The following ELAPOR2 variants were observed in gnomAD, a reference collection of about 807,000 sequenced individuals.
ELAPOR2 encodes the protein endosome-lysosome associated apoptosis and autophagy regulator family member 2.
A neutral mutation model predicts 120.7 loss-of-function variants in ELAPOR2; 89 were observed. That is an observed-to-expected ratio of 0.74 (90% CI 0.62 to 0.88). The LOEUF is 0.88. Among genes scored for constraint, ELAPOR2 ranks in the 40% least tolerant of loss-of-function variants. The pLI, the probability that ELAPOR2 is intolerant of heterozygous loss-of-function variation, is 0.00. For missense variants in ELAPOR2, 1,134 were observed against 1,251.6 expected (o/e 0.91, Z 1.42); for synonymous variants, 444 against 444.9 (o/e 1.00, Z 0.03).
chr7:86,912,208 T>C lies in ELAPOR2; in HGVS notation c.2033A>G (p.His678Arg), dbSNP rs1228579173. The stretch of plus-strand genomic sequence containing the variant: ...GTGCAAACTCTGATTTTCTTTTTCA[T>C]GGTAGAAAAAGCAGTCACTATAGCA... ...SVCYSDCFFY[H>R]EKENQSLHYD... The change falls in exon 15 of 22, where the codon CAT becomes CGT. Residue 678 changes from histidine to arginine, a missense_variant. His to Arg is a conservative substitution (Grantham distance 29). This residue lies in a region of ELAPOR2 where 831 missense variants were observed against 867.6 expected (regional missense o/e 0.96). Coordinates refer to ENST00000450689, the MANE Select transcript of ELAPOR2 (RefSeq NM_001142749.3). 11 of 1,607,516 alleles carry C rather than the reference T, an allele frequency of 6.8e-6. No homozygotes were observed. The highest frequency in any genetic ancestry group is 8.5e-6 in the Non-Finnish European group (10 of 1,174,708).
chr7:86,954,477 C>T (rs1791391705), intron 2 of ELAPOR2, among the ~76,000 whole-genome samples: 1 of 151,918 alleles, frequency 6.6e-6, no homozygotes, highest in Non-Finnish European at 1.5e-5. Context: ...GTTTTTATTA[C>T]TAAAATATGT....
chr7:87,044,673 T>A (rs1794891013), intron 1 of ELAPOR2, among the ~76,000 whole-genome samples: 1 of 151,916 alleles, frequency 6.6e-6, no homozygotes, highest in African/African-American at 2.4e-5. Context: ...AACCTAGGCA[T>A]TACCATTCAG....
intron 1 of ELAPOR2, among the ~76,000 whole-genome samples, chr7:87,024,011 A>C (rs920281211): frequency 2.0e-5 from 3 of 152,182 alleles, no homozygotes; most frequent in Non-Finnish European, 4.4e-5. Flanking sequence ...TCATCCGCAA[A>C]CAGGGACAAT....
At chr7:86,935,858 A>C (rs549028616) in intron 8 of ELAPOR2, among the ~76,000 whole-genome samples, 39 of 152,178 alleles carry the variant, frequency 2.6e-4, no homozygotes, top group African/African-American at 9.4e-4. Context: ...GTTTATAAGA[A>C]TCTCTTAATT....
rs540539758 is a variant in ELAPOR2, at chr7:86,912,867, C to T, written c.1995+74G>A. On this transcript the variant is annotated intron_variant, in intron 14 of 21. Coordinates refer to ENST00000450689, the MANE Select transcript of ELAPOR2 (RefSeq NM_001142749.3). The stretch of plus-strand genomic sequence containing the variant: ...AGCAACCTCATAGCTCCCAGAGAAA[C>T]ATTAAGGAGAACGCTTGAATTTCTC... The T allele has an allele frequency of 4.6e-6, 7 of 1,520,078 alleles. No individual in the cohort carries two copies. The African/African-American group carries it at 9.6e-5, about 21-fold the overall frequency. The allele number at this position is 1,520,078 out of a possible 1,614,324, so 94.2% of individuals were successfully genotyped here.
chr7:87,023,136 G>C (rs1794118907), intron 1 of ELAPOR2, among the ~76,000 whole-genome samples: 1 of 152,130 alleles, frequency 6.6e-6, no homozygotes, highest in East Asian at 1.9e-4. Context: ...TGAAGTCCTT[G>C]CCCATGCCTA....
rs1235489453 is a variant in ELAPOR2, at chr7:86,891,879, T to G, written c.2875A>C (p.Lys959Gln). ...FWKKNQKLEY[K>Q]YSKLVMTTNS... ...GTCGTCATTACTAACTTGGAATATTTGTATTCCAGTCTAAATAGTGATAAA... is the reference window on the plus strand; with the variant it reads ...GTCGTCATTACTAACTTGGAATATTGGTATTCCAGTCTAAATAGTGATAAA... The change falls in exon 21 of 22, where the codon AAA becomes CAA. Residue 959 changes from lysine (K) to glutamine (Q), a missense_variant. Physicochemically the swap from Lys to Gln is moderately conservative, Grantham distance 53. Around this residue, in one of 3 missense-constraint regions of ELAPOR2, gnomAD observed 831 missense variants for 867.6 expected, o/e 0.96. Transcript: ENST00000450689. 8 of 1,592,588 alleles carry G rather than the reference T, an allele frequency of 5.0e-6. No individual in the cohort carries two copies. In the East Asian group the frequency reaches 9.0e-5, roughly 18 times the overall value.
chr7:87,055,468 T>A (rs983140704), intron 1 of ELAPOR2, among the ~76,000 whole-genome samples: 101 of 152,308 alleles, frequency 6.6e-4, no homozygotes, highest in African/African-American at 2.4e-3. Context: ...CTCATTAAGC[T>A]TCTCATTGCA....
At chr7:86,927,142 G>T (rs9640574) in intron 8 of ELAPOR2, among the ~76,000 whole-genome samples, 1 of 151,522 alleles carries the variant, frequency 6.6e-6, no homozygotes, top group Non-Finnish European at 1.5e-5. Context: ...GCCTTCCCTC[G>T]TACACAGCAT....
chr7:86,940,680 G>A (rs188673315), intron 5 of ELAPOR2, among the ~76,000 whole-genome samples: 6 of 152,054 alleles, frequency 3.9e-5, no homozygotes, highest in Admixed American at 3.9e-4. Context: ...GGAATATTTT[G>A]CTAATTATAA....
chr7:86,908,440 C>A lies in ELAPOR2; in HGVS notation c.2456+7G>T. ...ATATAGTCAAGGGAAACAGCATCTT[C>A]ACTTACTTATAAAAGAAATGCACAT... is the stretch of plus-strand genomic sequence containing the variant. On this transcript the variant is annotated splice_region_variant and intron_variant, in intron 17 of 21. Coordinates refer to ENST00000450689, the MANE Select transcript of ELAPOR2 (RefSeq NM_001142749.3). The A allele has an allele frequency of 6.8e-7, 1 of 1,475,822 alleles. No homozygotes were observed. Among genetic ancestry groups the A allele is most frequent in the Non-Finnish European group, 9.3e-7 (1 of 1,069,922 alleles). 91.4% of individuals were successfully genotyped at this position (1,475,822 alleles called of 1,614,324 possible). A position where few individuals can be genotyped will look rare whatever the true frequency, so the allele number is the denominator to read the frequency against.
At chr7:86,943,916 A>C (rs1790899130) in intron 4 of ELAPOR2, among the ~76,000 whole-genome samples, 2 of 152,172 alleles carry the variant, frequency 1.3e-5, no homozygotes, top group South Asian at 4.1e-4. Flanking sequence ...TTAGTGCCGG[A>C]AGGTTCACTT....
intron 21 of ELAPOR2, among the ~76,000 whole-genome samples, chr7:86,885,719 C>T (rs2115765284): frequency 6.6e-6 from 1 of 152,198 alleles, no homozygotes; most frequent in African/African-American, 2.4e-5. Flanking sequence ...GAGGAGCATA[C>T]AAATAAGAGG....
chr7:86,955,792 C>A (rs537825296), intron 2 of ELAPOR2, among the ~76,000 whole-genome samples: 1 of 152,120 alleles, frequency 6.6e-6, no homozygotes, highest in African/African-American at 2.4e-5. Context: ...CCAAGTTCAA[C>A]TTTTCTACTG....
chr7:86,990,049 T>C (rs1019626220), intron 1 of ELAPOR2, among the ~76,000 whole-genome samples: 3 of 151,788 alleles, frequency 2.0e-5, no homozygotes, highest in Non-Finnish European at 4.4e-5. Context: ...ATTTTTTTTT[T>C]ATTTTTATTT....
chr7:86,927,777 A>G (rs1790141899), intron 8 of ELAPOR2, among the ~76,000 whole-genome samples: 1 of 152,056 alleles, frequency 6.6e-6, no homozygotes, highest in African/African-American at 2.4e-5. Context: ...TTCTAAATGC[A>G]AACATAAAAA....
At chr7:86,928,418 T>G (rs1790174130) in intron 8 of ELAPOR2, among the ~76,000 whole-genome samples, 1 of 152,056 alleles carries the variant, frequency 6.6e-6, no homozygotes, top group Admixed American at 6.6e-5. Context: ...CCTAATTTGC[T>G]GATTTATTTT....
At chr7:87,023,719 T>A (rs1442465143) in intron 1 of ELAPOR2, among the ~76,000 whole-genome samples, 1 of 152,190 alleles carries the variant, frequency 6.6e-6, no homozygotes, top group Non-Finnish European at 1.5e-5. Context: ...CTTCCATTTG[T>A]TTGTATCCTC....
At chr7:87,020,746 T>C (rs902276307) in intron 1 of ELAPOR2, among the ~76,000 whole-genome samples, 2 of 152,116 alleles carry the variant, frequency 1.3e-5, no homozygotes, top group Non-Finnish European at 2.9e-5. Flanking sequence ...ATTAATTTTA[T>C]GTTAAATGAA....
Sources: allele counts gnomAD v4.1 joint callset (sites outside exome capture counted in the v4.1 genomes callset), GRCh38; gene constraint gnomAD v4.1.1; regional missense constraint gnomAD v4.1.1; transcripts MANE v1.5; gene names NCBI Gene and HGNC (gene_info 2026-07-23, HGNC 2026-07-21).